TCTN1: variants seen among roughly 807,000 people sequenced by gnomAD.
TCTN1 encodes the protein tectonic family member 1.
In TCTN1, 58 loss-of-function variants were observed where a neutral mutation model predicts 65.8. That is an observed-to-expected ratio of 0.88 (90% CI 0.71 to 1.10). TCTN1 has a LOEUF of 1.10. Among genes scored for constraint, TCTN1 ranks in the 50% least tolerant of loss-of-function variants. The pLI is 0.00. For missense variants in TCTN1, 645 were observed against 719.4 expected (o/e 0.90, Z 1.18); for synonymous variants, 273 against 289.1 (o/e 0.94, Z 0.57).
At chr12:110,614,639 C>A (rs1232197535) in intron 1 of TCTN1, among the ~76,000 whole-genome samples, 2 of 152,208 alleles carry the variant, frequency 1.3e-5, no homozygotes, top group Non-Finnish European at 2.9e-5. Context: ...GGTATCAAAC[C>A]TTTGAAAATA....
At chr12:110,619,733 G>A in intron 1 of TCTN1, 103 bp from the exon 2 acceptor site, 1 of 1,570,638 alleles carries the variant, frequency 6.4e-7, no homozygotes, top group Non-Finnish European at 8.7e-7. Flanking sequence ...AAAATAAAAT[G>A]GATCTTTTTT....
At chr12:110,627,364 C>T (rs73419332) in intron 3 of TCTN1, among the ~76,000 whole-genome samples, 4,834 of 152,046 alleles carry the variant, frequency 0.032, 104 homozygotes, top group South Asian at 0.057. Flanking sequence ...CTCAAAATGC[C>T]GAGATTACAG....
chr12:110,631,895 C>G (rs1269345498), intron 4 of TCTN1, among the ~76,000 whole-genome samples: 1 of 152,206 alleles, frequency 6.6e-6, no homozygotes, highest in Non-Finnish European at 1.5e-5. Context: ...ACACTCCCAG[C>G]TCCAGTGAGT....
At chr12:110,645,564 C>CT (rs1357277100) in intron 12 of TCTN1, 4 of 242,964 alleles carry the variant, frequency 1.6e-5, no homozygotes, top group Non-Finnish European at 8.2e-6. Flanking sequence ...GTATCAAAGA[C>CT]TGAGACTGAC....
At chr12:110,614,554 A>G in intron 1 of TCTN1, 152 bp downstream of exon 1, 1 of 1,453,676 alleles carries the variant, frequency 6.9e-7, no homozygotes, top group Non-Finnish European at 9.3e-7. Context: ...TTCTCTAAAC[A>G]ATAACCCTGA....
At chr12:110,637,241 CG>C (rs2066634605) in intron 7 of TCTN1, among the ~76,000 whole-genome samples, 1 of 152,216 alleles carries the variant, frequency 6.6e-6, no homozygotes, top group African/African-American at 2.4e-5. Flanking sequence ...GGATGGTAAG[CG>C]TCCGTGCAGA....
rs373866658 is a variant in TCTN1, at chr12:110,644,933, C to T, written c.1332-34C>T. 7 of 1,613,512 alleles carry T rather than the reference C, an allele frequency of 4.3e-6. No individual in the cohort carries two copies. Among genetic ancestry groups the T allele is most frequent in the Non-Finnish European group, 5.9e-6 (7 of 1,179,514 alleles). On this transcript the variant is annotated intron_variant, in intron 11 of 14. Coordinates refer to ENST00000397659, the MANE Select transcript of TCTN1 (RefSeq NM_001082538.3). The surrounding 1 kb of genome is among the most constrained non-coding windows in gnomAD (Gnocchi z 4.6). The stretch of plus-strand genomic sequence containing the variant: ...AAAACTGCTGGTGGATGAACAACAG[C>T]CTCATTCAGTTGACTTCTTTTTCCT...
intron 5 of TCTN1, chr12:110,634,454 A>T: frequency 1.7e-6 from 1 of 595,900 alleles, no homozygotes; most frequent in Non-Finnish European, 3.1e-6. Context: ...AGGCGAGAGG[A>T]TCACTTGAGG....
At chr12:110,627,844 C>A (rs532477913) in intron 3 of TCTN1, 3 of 604,620 alleles carry the variant, frequency 5.0e-6, no homozygotes, top group Non-Finnish European at 8.8e-6. Context: ...ATCAGAGACA[C>A]GTTTATGCTT....
Position 110,642,358 on chromosome 12 carries a change from G to C in TCTN1, c.1300G>C (p.Gly434Arg), listed in dbSNP as rs2067014211. The change falls in exon 11 of 15, where the codon GGT becomes CGT. Residue 434 changes from glycine (G) to arginine (R), a missense_variant. Transcript: ENST00000397659. ...GGGGGTCCGGACCCCAGTATTATTT[G>C]GTTACACTATGCAATCTGGCTGTAA... The part of the protein sequence containing the change: ...LEGVRTPVLF[G>R]YTMQSGCKLR... 1 of 1,614,012 alleles carries C rather than the reference G, an allele frequency of 6.2e-7. No homozygotes were observed. The highest frequency in any genetic ancestry group is 1.3e-5 in the African/African-American group (1 of 74,896).
Position 110,637,723 on chromosome 12 carries a change from A to G in TCTN1, c.843+1222A>G, listed in dbSNP as rs565193387. Among the ~76,000 whole-genome samples, 260 of 152,246 alleles carry G rather than the reference A, an allele frequency of 1.7e-3. 1 individual carries two copies. The highest frequency in any genetic ancestry group is 4.8e-3 in the African/African-American group (199 of 41,552). ...AGGAATGCAGTGTGAAAGTCATGCAATGGGCTAGCTCTCACCTCCCTCCAA... is the reference window on the plus strand; with the variant it reads ...AGGAATGCAGTGTGAAAGTCATGCAGTGGGCTAGCTCTCACCTCCCTCCAA... On this transcript the variant is annotated intron_variant, in intron 7 of 14. Coordinates refer to ENST00000397659, the MANE Select transcript of TCTN1 (RefSeq NM_001082538.3).
In TCTN1 at chr12:110,647,220, C is replaced by T; in HGVS notation, c.1519C>T (p.Gln507Ter). The change falls in exon 13 of 15, where the codon CAG becomes TAG. Residue 507 changes from glutamine (Q) to a stop codon, truncating the protein, a stop_gained. Coordinates refer to ENST00000397659, the MANE Select transcript of TCTN1 (RefSeq NM_001082538.3). LOFTEE classifies it high-confidence loss of function. Reference protein sequence around the residue: ...RKHFVLQDSCQLPGALVIEVK... With the variant: ...RKHFVLQDSC ...GCATTTTGTTTTGCAGGATTCCTGC[C>T]AGCTCCCAGGGGCTTTGGTTATAGA... 1 of 1,614,160 alleles carries T rather than the reference C, an allele frequency of 6.2e-7. No individual in the cohort carries two copies. Among genetic ancestry groups the T allele is most frequent in the Non-Finnish European group, 8.5e-7 (1 of 1,180,030 alleles).
chr12:110,614,387 A>G lies in TCTN1; in HGVS notation c.205A>G (p.Thr69Ala), dbSNP rs1357122575. Reference protein sequence around the residue: ...APGPSSGPRPTPVTDVAVLCV... With the variant: ...APGPSSGPRPAPVTDVAVLCV... ...AGGGCCCTCCTCCGGCCCCAGGCCT[A>G]CCCCAGTCACGGACGGTGGGTACCA... The change falls in exon 1 of 15, where the codon ACC (threonine) becomes GCC (alanine). Residue 69 changes from threonine to alanine, a missense_variant. Physicochemically the swap from Thr to Ala is moderately conservative, Grantham distance 58. Coordinates refer to ENST00000397659, the MANE Select transcript of TCTN1 (RefSeq NM_001082538.3). 8 of 1,599,584 alleles carry G rather than the reference A, an allele frequency of 5.0e-6. No homozygotes were observed. Among genetic ancestry groups the G allele is most frequent in the African/African-American group, 1.3e-5 (1 of 74,736 alleles).
intron 10 of TCTN1, 166 bp from the exon 11 acceptor site, chr12:110,642,083 A>C: frequency 2.4e-6 from 2 of 822,714 alleles, no homozygotes; most frequent in Non-Finnish European, 3.9e-6. Flanking sequence ...TATTAAGGAA[A>C]ATAGAACTGT....
chr12:110,620,938 G>A (rs1308859090), intron 2 of TCTN1, among the ~76,000 whole-genome samples: 1 of 151,514 alleles, frequency 6.6e-6, no homozygotes, highest in Non-Finnish European at 1.5e-5. Flanking sequence ...TCAGCCTCCT[G>A]AGTAGCTGGG....
chr12:110,645,003 G>A lies in TCTN1; in HGVS notation c.1368G>A (p.Gln456=), dbSNP rs1156777703. The A allele has an allele frequency of 6.2e-6, 10 of 1,614,256 alleles. No homozygotes were observed. The highest frequency in any genetic ancestry group is 8.5e-6 in the Non-Finnish European group (10 of 1,180,056). Residue 456 remains glutamine, a synonymous_variant, in exon 12 of 15, where the codon CAG becomes CAA. Coordinates refer to ENST00000397659, the MANE Select transcript of TCTN1 (RefSeq NM_001082538.3). Reference sequence around the variant, plus strand: ...CTCTCCCGTGTCAGCTCGTAGCACAGAAGGTGAAGAGCCTGCTGTGGGGCC... The same window carrying A: ...CTCTCCCGTGTCAGCTCGTAGCACAAAAGGTGAAGAGCCTGCTGTGGGGCC... ...TGALPCQLVA[Q]KVKSLLWGQG... is the part of the protein sequence containing the mutation.
intron 4 of TCTN1, among the ~76,000 whole-genome samples, chr12:110,631,769 C>T (rs1593298973): frequency 6.6e-6 from 1 of 152,144 alleles, no homozygotes; most frequent in Admixed American, 6.5e-5. Context: ...CATTTTTGTA[C>T]ACTTCACTGA....
At position 110,614,395 on chromosome 12, in the gene TCTN1, C is replaced by A; in HGVS notation, c.213C>A (p.Val71=). The change falls in exon 1 of 15, where the codon GTC becomes GTA. Residue 71 remains valine (V), a synonymous_variant. Coordinates refer to ENST00000397659, the MANE Select transcript of TCTN1 (RefSeq NM_001082538.3). ...CCTCCGGCCCCAGGCCTACCCCAGTCACGGACGGTGGGTACCATGTGCCAG... is the reference window on the plus strand; with the variant it reads ...CCTCCGGCCCCAGGCCTACCCCAGTAACGGACGGTGGGTACCATGTGCCAG... The part of the protein sequence containing the change: ...GPSSGPRPTP[V]TDVAVLCVCD... The A allele has an allele frequency of 6.3e-7, 1 of 1,596,788 alleles. No homozygotes were observed. Among genetic ancestry groups the A allele is most frequent in the South Asian group, 1.1e-5 (1 of 88,450 alleles).
intron 2 of TCTN1, among the ~76,000 whole-genome samples, chr12:110,621,764 G>A (rs1425258411): frequency 1.3e-5 from 2 of 151,772 alleles, no homozygotes; most frequent in Non-Finnish European, 2.9e-5. Context: ...GAGCCACTGC[G>A]CCTAACCTGG....
Sources: gnomAD v4.1 joint callset for allele counts (sites outside exome capture counted in the v4.1 genomes callset) on GRCh38, gnomAD v4.1.1 for gene constraint, Gnocchi (gnomAD v3.1) non-coding constraint, MANE v1.5 for transcripts, NCBI Gene and HGNC (gene_info 2026-07-23, HGNC 2026-07-21) for gene names.